Variants in PRKCB observed in about 807,000 individuals in gnomAD.
PRKCB encodes the protein protein kinase C beta type.
A neutral mutation model predicts 81.5 loss-of-function variants in PRKCB; 13 were observed. The observed-to-expected ratio is 0.16, with a 90% CI of 0.10 to 0.25. The LOEUF is 0.25. Ranked by LOEUF, PRKCB falls within the 10% of genes least tolerant of loss-of-function variation. The pLI is 1.00. For missense variants in PRKCB, 509 were observed against 875.7 expected (o/e 0.58, Z 5.29); for synonymous variants, 335 against 321.4 (o/e 1.04, Z -0.45).
chr16:23,917,258 T>G (rs562541072), intron 2 of PRKCB, among the ~76,000 whole-genome samples: 2 of 152,186 alleles, frequency 1.3e-5, no homozygotes, highest in African/African-American at 4.8e-5. Flanking sequence ...AATTTTTGTG[T>G]TTTTAGTAGA....
intron 3 of PRKCB, among the ~76,000 whole-genome samples, chr16:24,018,330 C>T (rs1045177589): frequency 2.6e-5 from 4 of 152,146 alleles, no homozygotes; most frequent in African/African-American, 7.2e-5. Context: ...GGAATACAGG[C>T]GTGAGCCACC....
chr16:23,899,330 G>A (rs1963428987), intron 2 of PRKCB, among the ~76,000 whole-genome samples: 1 of 152,168 alleles, frequency 6.6e-6, no homozygotes, highest in Admixed American at 6.5e-5. Flanking sequence ...GACAGTTTAA[G>A]GGAAACAGTA....
At chr16:24,167,391 C>A (rs1967363854) in intron 10 of PRKCB, among the ~76,000 whole-genome samples, 1 of 152,042 alleles carries the variant, frequency 6.6e-6, no homozygotes, top group African/African-American at 2.4e-5. Context: ...AAAACCCTGT[C>A]TCTACAAAAA....
chr16:24,088,127 C>T (rs915812577), intron 5 of PRKCB, among the ~76,000 whole-genome samples: 1 of 152,212 alleles, frequency 6.6e-6, no homozygotes, highest in African/African-American at 2.4e-5. Flanking sequence ...ATATGCGGCT[C>T]TCTTGCTGCT....
chr16:23,900,612 A>AT (rs67164299), intron 2 of PRKCB, among the ~76,000 whole-genome samples: 79,378 of 147,300 alleles, frequency 0.54, 21,635 homozygotes, highest in East Asian at 0.64. Context: ...CCTCACACAT[A>AT]TTTTTTTCCT....
chr16:23,837,282 G>A (rs1962180169), intron 1 of PRKCB, 93 bp from the exon 2 acceptor site: 1 of 1,516,390 alleles, frequency 6.6e-7, no homozygotes. Flanking sequence ...CTGGGGTACA[G>A]AGGCAGGGAG....
intron 12 of PRKCB, among the ~76,000 whole-genome samples, chr16:24,180,023 C>A (rs1236563725): frequency 6.6e-6 from 1 of 152,108 alleles, no homozygotes; most frequent in Non-Finnish European, 1.5e-5. Context: ...CGGCTCACTG[C>A]AACCTCTGCC....
At position 24,123,611 on chromosome 16, in the gene PRKCB, A is replaced by C. The variant is rs763926678; in HGVS notation, c.919-224A>C. ...TTCTAGAGACAGCTGGGAGGAAAGA[A>C]ATGACAGTTCTGGTTATGGTTGAGA... is the stretch of plus-strand genomic sequence containing the variant. On this transcript the variant is annotated intron_variant, in intron 8 of 16. Coordinates refer to ENST00000643927, the MANE Select transcript of PRKCB (RefSeq NM_002738.7). Among the ~76,000 whole-genome samples, 56 of 152,290 alleles carry C rather than the reference A, an allele frequency of 3.7e-4. No individual in the cohort carries two copies. In the Middle Eastern group the frequency reaches 0.01, roughly 28 times the overall value.
chr16:24,072,565 ACT>A (rs1174505993), intron 5 of PRKCB, among the ~76,000 whole-genome samples: 3 of 146,228 alleles, frequency 2.1e-5, no homozygotes, highest in Non-Finnish European at 4.5e-5. Flanking sequence ...GCTTTCTTTA[ACT>A]CTCTCTTTCT....
intron 7 of PRKCB, among the ~76,000 whole-genome samples, chr16:24,110,084 T>G: frequency 1.6e-5 from 2 of 127,268 alleles, no homozygotes; most frequent in East Asian, 2.2e-4. Flanking sequence ...AGGGAGACCG[T>G]GGAAAGAGAG....
intron 9 of PRKCB, among the ~76,000 whole-genome samples, chr16:24,129,726 C>T (rs1051708672): frequency 7.2e-5 from 11 of 151,944 alleles, no homozygotes; most frequent in Admixed American, 7.2e-4. Context: ...ATCAATCAAT[C>T]ATCTATCTGT....
chr16:23,981,588 T>TCCTTC (rs1458059007), intron 2 of PRKCB, among the ~76,000 whole-genome samples: 3 of 56,918 alleles, frequency 5.3e-5, no homozygotes, highest in African/African-American at 6.0e-5. Context: ...TCCTTTCCTT[T>TCCTTC]CCTTCCCTTC....
chr16:24,109,685 C>T (rs1251133258), intron 7 of PRKCB, among the ~76,000 whole-genome samples: 6 of 134,034 alleles, frequency 4.5e-5, no homozygotes, highest in Non-Finnish European at 9.1e-5. Flanking sequence ...CAGAGATGCT[C>T]CTCACTTCCC....
rs532613856 is a variant in PRKCB, at chr16:24,126,417, G to A, written c.1065+2436G>A. Reference sequence around the variant, plus strand: ...ACTTTTTTTTTCTTTTTGAGATAGAGTCTCACTCTCTTGTCCAGGCTGGAA... The same window carrying A: ...ACTTTTTTTTTCTTTTTGAGATAGAATCTCACTCTCTTGTCCAGGCTGGAA... On this transcript the variant is annotated intron_variant, in intron 9 of 16. Transcript: ENST00000643927. Among the ~76,000 whole-genome samples, 84 of 152,124 alleles carry A rather than the reference G, an allele frequency of 5.5e-4. 1 individual carries two copies. Among genetic ancestry groups the A allele is most frequent in the Non-Finnish European group, 7.6e-4 (52 of 67,990 alleles).
At chr16:24,180,973 C>A in intron 13 of PRKCB, 45 bp downstream of exon 13, 1 of 1,602,718 alleles carries the variant, frequency 6.2e-7, no homozygotes, top group Non-Finnish European at 8.5e-7. Context: ...GATGTACCCT[C>A]TGCTCCCCAG....
At chr16:24,159,325 C>G (rs1331473911) in intron 10 of PRKCB, among the ~76,000 whole-genome samples, 1 of 152,174 alleles carries the variant, frequency 6.6e-6, no homozygotes, top group Non-Finnish European at 1.5e-5. Context: ...GTCATTGGCT[C>G]ATTGAGCTCA....
chr16:24,104,740 T>G (rs1157714314), intron 7 of PRKCB, among the ~76,000 whole-genome samples: 1 of 151,956 alleles, frequency 6.6e-6, no homozygotes, highest in Non-Finnish European at 1.5e-5. Context: ...GGGGCAGGAG[T>G]GCACCCGGCA....
At chr16:24,212,461 C>CTT (rs975667798) in intron 16 of PRKCB, among the ~76,000 whole-genome samples, 2,009 of 77,856 alleles carry the variant, frequency 0.026, 58 homozygotes, top group African/African-American at 0.034. Flanking sequence ...CTTTTTTTTC[C>CTT]TTTTTTTTTT....
At chr16:23,873,166 A>G (rs1478160287) in intron 2 of PRKCB, among the ~76,000 whole-genome samples, 6 of 105,712 alleles carry the variant, frequency 5.7e-5, no homozygotes, top group African/African-American at 1.3e-4. Context: ...CGTCTCTACT[A>G]AAAACACACA....
Sources: allele counts gnomAD v4.1 joint callset (sites outside exome capture counted in the v4.1 genomes callset), GRCh38; gene constraint gnomAD v4.1.1; transcripts MANE v1.5; gene names NCBI Gene and HGNC (gene_info 2026-07-23, HGNC 2026-07-21).